AMN1: variants seen among roughly 807,000 people sequenced by gnomAD.
AMN1 encodes the protein antagonist of mitotic exit network 1 homolog.
Under a neutral mutation model 33.0 loss-of-function variants are expected in AMN1, and 20 were observed. The observed-to-expected ratio is 0.61, with a 90% CI of 0.43 to 0.88. The LOEUF (loss-of-function observed/expected upper bound fraction) is 0.88, where lower values mean the gene tolerates loss of function less well. Among genes scored for constraint, AMN1 ranks in the 40% least tolerant of loss-of-function variants. The probability of loss-of-function intolerance (pLI) is 0.00; values close to 1 mark genes in which losing one functional copy is unlikely to be tolerated. For synonymous variants in AMN1, 114 were observed against 111.9 expected (o/e 1.02, Z -0.12); for missense variants, 246 against 307.4 (o/e 0.80, Z 1.49).
At chr12:31,684,460 G>A (rs1470122421) in intron 6 of AMN1, among the ~76,000 whole-genome samples, 1 of 151,690 alleles carries the variant, frequency 6.6e-6, no homozygotes, top group Non-Finnish European at 1.5e-5. Context: ...AACTCTTTGG[G>A]GATCCTCAGT....
chr12:31,710,407 C>T (rs933021001), intron 1 of AMN1, among the ~76,000 whole-genome samples: 2 of 152,098 alleles, frequency 1.3e-5, no homozygotes, highest in African/African-American at 4.8e-5. Flanking sequence ...TGATCATATA[C>T]CTGTGATTAA....
At chr12:31,678,520 C>T (rs1341525564) in intron 6 of AMN1, among the ~76,000 whole-genome samples, 9 of 152,012 alleles carry the variant, frequency 5.9e-5, no homozygotes, top group Non-Finnish European at 1.3e-4. Context: ...CCTCAGTCTC[C>T]CGAGTAGCTG....
chr12:31,684,367 T>G (rs1938159625), intron 6 of AMN1, among the ~76,000 whole-genome samples: 1 of 152,170 alleles, frequency 6.6e-6, no homozygotes, highest in Admixed American at 6.5e-5. Context: ...AGGTAATAGA[T>G]TTACGATTTT....
chr12:31,678,409 T>A (rs1046746929), intron 6 of AMN1, among the ~76,000 whole-genome samples: 3 of 137,784 alleles, frequency 2.2e-5, no homozygotes, highest in African/African-American at 7.9e-5. Context: ...TTTTTTTTTT[T>A]ATGTTGAGAC....
At chr12:31,688,284 T>C (rs905408886) in intron 6 of AMN1, among the ~76,000 whole-genome samples, 2 of 152,212 alleles carry the variant, frequency 1.3e-5, no homozygotes, top group African/African-American at 2.4e-5. Context: ...AGTTTGATAA[T>C]AGTTAACAAG....
At chr12:31,692,869 GA>G (rs1938563847) in intron 5 of AMN1, among the ~76,000 whole-genome samples, 1 of 152,060 alleles carries the variant, frequency 6.6e-6, no homozygotes, top group Admixed American at 6.6e-5. Context: ...AGAAACTTAT[GA>G]AATGACTGTA....
chr12:31,720,791 C>T (rs1939855121), intron 1 of AMN1, among the ~76,000 whole-genome samples: 1 of 152,190 alleles, frequency 6.6e-6, no homozygotes, highest in African/African-American at 2.4e-5. Flanking sequence ...AAATATACCA[C>T]ATTTTGTTTA....
intron 1 of AMN1, among the ~76,000 whole-genome samples, chr12:31,722,033 C>G (rs1385271924): frequency 6.6e-6 from 1 of 152,022 alleles, no homozygotes; most frequent in East Asian, 1.9e-4. Context: ...CTTGTGCTTC[C>G]TTTCAAAAGT....
At chr12:31,672,963 T>G (rs1447575409) in intron 6 of AMN1, 1 of 152,446 alleles carries the variant, frequency 6.6e-6, no homozygotes, top group African/African-American at 2.4e-5. Flanking sequence ...ATAACCATTA[T>G]ATAAATACAC....
intron 6 of AMN1, among the ~76,000 whole-genome samples, chr12:31,685,869 G>A (rs537063690): frequency 7.6e-5 from 10 of 131,260 alleles, no homozygotes; most frequent in Admixed American, 4.7e-4. Flanking sequence ...TTTTTTTTTT[G>A]GAAACGGAGT....
chr12:31,720,086 T>C (rs960337673), intron 1 of AMN1, among the ~76,000 whole-genome samples: 1 of 152,256 alleles, frequency 6.6e-6, no homozygotes, highest in African/African-American at 2.4e-5. Context: ...ATTGCTTTAC[T>C]TTTTTCTTTT....
At chr12:31,699,046 C>T (rs963676937) in intron 3 of AMN1, among the ~76,000 whole-genome samples, 1 of 151,812 alleles carries the variant, frequency 6.6e-6, no homozygotes, top group Admixed American at 6.6e-5. Flanking sequence ...AGACCTTTGG[C>T]GAGGTGGGGG....
In AMN1 at chr12:31,698,374, T is replaced by A. The variant is rs1179162575; in HGVS notation, c.317-417A>T. Among the ~76,000 whole-genome samples the A allele has an allele frequency of 3.9e-5, 6 of 152,222 alleles. No individual in the cohort carries two copies. In the East Asian group the frequency reaches 1.2e-3, roughly 29 times the overall value. On this transcript the variant is annotated intron_variant, in intron 3 of 6. Coordinates refer to ENST00000281471, the MANE Select transcript of AMN1 (RefSeq NM_001113402.2). ...TAAACTGCCCAAATGGTTTCAGTCATGATCTTCATGCTTGCGGTTAGAAAT... is the reference window on the plus strand; with the variant it reads ...TAAACTGCCCAAATGGTTTCAGTCAAGATCTTCATGCTTGCGGTTAGAAAT...
intron 6 of AMN1, among the ~76,000 whole-genome samples, chr12:31,686,850 C>A (rs1403389046): frequency 1.3e-5 from 2 of 152,228 alleles, no homozygotes; most frequent in East Asian, 3.9e-4. Flanking sequence ...GTGCTGACAG[C>A]CACCACGTCC....
chr12:31,728,533 C>T (rs1226473923), intron 1 of AMN1, among the ~76,000 whole-genome samples: 1 of 152,148 alleles, frequency 6.6e-6, no homozygotes, highest in African/African-American at 2.4e-5. Context: ...GCCAGGGATC[C>T]GTGGTCTTAA....
chr12:31,676,574 G>A (rs897160494), intron 6 of AMN1, among the ~76,000 whole-genome samples: 5 of 150,234 alleles, frequency 3.3e-5, no homozygotes, highest in Non-Finnish European at 7.4e-5. Context: ...TGCCCGCCTT[G>A]GCCTCCCAAA....
In AMN1 at chr12:31,705,186, C is replaced by T. The variant is rs573943130; in HGVS notation, c.172-3179G>A. ...TTAAAGTGCAATTCCAATGTAAAGTCACAGGGTTAGTCACATGCTCTAGCA... is the reference window on the plus strand; with the variant it reads ...TTAAAGTGCAATTCCAATGTAAAGTTACAGGGTTAGTCACATGCTCTAGCA... On this transcript the variant is annotated intron_variant, in intron 2 of 6. Transcript: ENST00000281471. Among the ~76,000 whole-genome samples, 3 of 152,222 alleles carry T rather than the reference C, an allele frequency of 2.0e-5. No homozygotes were observed. In the South Asian group the frequency reaches 6.2e-4, roughly 32 times the overall value.
At chr12:31,684,903 C>T (rs1223215495) in intron 6 of AMN1, among the ~76,000 whole-genome samples, 6 of 151,944 alleles carry the variant, frequency 3.9e-5, no homozygotes, top group South Asian at 2.1e-4. Flanking sequence ...CATAAAAATA[C>T]GAAGGTAAAA....
chr12:31,695,386 T>C (rs1325953500), intron 5 of AMN1, among the ~76,000 whole-genome samples: 1 of 152,176 alleles, frequency 6.6e-6, no homozygotes, highest in Non-Finnish European at 1.5e-5. Flanking sequence ...CGACAAATGT[T>C]TGCACTTAAA....
Sources: allele counts gnomAD v4.1 joint callset (sites outside exome capture counted in the v4.1 genomes callset), GRCh38; gene constraint gnomAD v4.1.1; transcripts MANE v1.5; gene names NCBI Gene and HGNC (gene_info 2026-07-23, HGNC 2026-07-21).